SYN3: variants seen among roughly 807,000 people sequenced by gnomAD.
The protein encoded by SYN3 is synapsin III, also known as synapsin-3.
SYN3 carries 35 observed loss-of-function variants against 65.8 expected under a neutral mutation model. The ratio of observed to expected loss-of-function variants is 0.53; its 90% CI spans 0.41 to 0.70. The LOEUF (loss-of-function observed/expected upper bound fraction) is 0.70. SYN3 is among the 30% of genes least tolerant of loss of function. The probability of loss-of-function intolerance (pLI) is 0.00; values close to 1 mark genes in which losing one functional copy is unlikely to be tolerated. For synonymous variants in SYN3, 270 were observed against 292.9 expected, an observed-to-expected ratio of 0.92 and a Z score of 0.80; for missense variants, 680 against 749.0, an observed-to-expected ratio of 0.91 and a Z score of 1.08.
chr22:32,722,548 T>C (rs946540804), intron 6 of SYN3, among the ~76,000 whole-genome samples: 4 of 152,162 alleles, frequency 2.6e-5, no homozygotes, highest in Non-Finnish European at 4.4e-5. Context: ...GTGGATTAAA[T>C]TGGAGATGTC....
chr22:32,813,293 T>C (rs2046961963), intron 6 of SYN3, among the ~76,000 whole-genome samples: 1 of 152,128 alleles, frequency 6.6e-6, no homozygotes, highest in Non-Finnish European at 1.5e-5. Flanking sequence ...GCATCTGAGC[T>C]TTGGCTTTGG....
At chr22:32,802,119 A>T (rs1398464952) in intron 6 of SYN3, 1 of 1,582,058 alleles carries the variant, frequency 6.3e-7, no homozygotes, top group South Asian at 1.1e-5. Flanking sequence ...CAACTCCGAC[A>T]TCGGTAAGCG....
intron 6 of SYN3, among the ~76,000 whole-genome samples, chr22:32,706,243 C>G (rs5749496): frequency 6.6e-6 from 1 of 151,866 alleles, no homozygotes; most frequent in Non-Finnish European, 1.5e-5. Context: ...CCTTCAATAC[C>G]TACATACTGA....
chr22:32,645,930 C>T (rs1601831797), intron 6 of SYN3, among the ~76,000 whole-genome samples: 1 of 151,990 alleles, frequency 6.6e-6, no homozygotes, highest in African/African-American at 2.4e-5. Context: ...GAGCTGTACC[C>T]CACTTCTGGC....
chr22:32,988,872 C>T (rs2052613494), intron 2 of SYN3, among the ~76,000 whole-genome samples: 1 of 152,124 alleles, frequency 6.6e-6, no homozygotes, highest in African/African-American at 2.4e-5. Context: ...TGGGTGTGTC[C>T]TTTAATGTAC....
At chr22:32,800,772 C>T (rs1009851791) in intron 6 of SYN3, among the ~76,000 whole-genome samples, 37 of 152,146 alleles carry the variant, frequency 2.4e-4, no homozygotes, top group African/African-American at 8.7e-4. Context: ...CAAACATGCC[C>T]AGGGTCTTTG....
rs2053196183 is a variant in SYN3, at chr22:33,006,380, A to G, written c.283T>C (p.Leu95=). Residue 95 remains leucine, a synonymous_variant, in exon 2 of 14, where the codon TTG becomes CTG. Coordinates refer to ENST00000358763, the MANE Select transcript of SYN3 (RefSeq NM_003490.4). ...TCTGTATGGGCATCATCGATCACCAACAGGATCCTGGGTCTTTGAACAATG... is the reference window on the plus strand; with the variant it reads ...TCTGTATGGGCATCATCGATCACCAGCAGGATCCTGGGTCTTTGAACAATG... ...TPIVQRPRIL[L]VIDDAHTDWS... 1 of 1,613,478 alleles carries G rather than the reference A, an allele frequency of 6.2e-7. No individual in the cohort carries two copies. Among genetic ancestry groups the G allele is most frequent in the Non-Finnish European group, 8.5e-7 (1 of 1,179,688 alleles).
intron 6 of SYN3, among the ~76,000 whole-genome samples, chr22:32,857,564 C>G (rs2048405871): frequency 6.6e-6 from 1 of 152,210 alleles, no homozygotes; most frequent in South Asian, 2.1e-4. Flanking sequence ...AGCTCCACCA[C>G]TCACCTGGGG....
chr22:32,734,762 C>T (rs1471190840), intron 6 of SYN3, among the ~76,000 whole-genome samples: 1 of 152,162 alleles, frequency 6.6e-6, no homozygotes, highest in Non-Finnish European at 1.5e-5. Flanking sequence ...AGGTCTTGGG[C>T]TAAATCCTCA....
At chr22:32,803,842 GT>G (rs1569236848) in intron 6 of SYN3, among the ~76,000 whole-genome samples, 3 of 152,110 alleles carry the variant, frequency 2.0e-5, no homozygotes, top group African/African-American at 7.2e-5. Flanking sequence ...CTTCACTTGC[GT>G]TTTTTTGGTA....
intron 6 of SYN3, among the ~76,000 whole-genome samples, chr22:32,835,355 G>C (rs190491986): frequency 5.8e-4 from 88 of 152,280 alleles, no homozygotes; most frequent in Non-Finnish European, 9.1e-4. Flanking sequence ...TGAGTGTATG[G>C]GGGCAGGGAA....
At chr22:32,600,786 C>T (rs894589678) in intron 6 of SYN3, among the ~76,000 whole-genome samples, 14 of 152,182 alleles carry the variant, frequency 9.2e-5, no homozygotes, top group African/African-American at 2.9e-4. Context: ...CTCCTGGGCT[C>T]AAGCAATTCT....
intron 6 of SYN3, among the ~76,000 whole-genome samples, chr22:32,824,358 A>AT (rs130289): frequency 1.3e-5 from 2 of 149,000 alleles, no homozygotes; most frequent in African/African-American, 2.5e-5. Flanking sequence ...ACAGATTACT[A>AT]TTTTTTTTTT....
Position 32,859,256 on chromosome 22 carries a change from T to A in SYN3, c.711+5659A>T, listed in dbSNP as rs902757892. Reference sequence around the variant, plus strand: ...CTCTGGACCGACATGCTCTCCAATTTCGGTTACCCTGGCTACCAGTCCAAA... The same window carrying A: ...CTCTGGACCGACATGCTCTCCAATTACGGTTACCCTGGCTACCAGTCCAAA... On this transcript the variant is annotated intron_variant, in intron 6 of 13. Transcript: ENST00000358763. 10 of 1,614,054 alleles carry A rather than the reference T, an allele frequency of 6.2e-6. No individual in the cohort carries two copies. The highest frequency in any genetic ancestry group is 8.5e-6 in the Non-Finnish European group (10 of 1,180,040).
chr22:32,684,767 T>C (rs1159220), intron 6 of SYN3, among the ~76,000 whole-genome samples: 93,008 of 152,046 alleles, frequency 0.61, 28,563 homozygotes, highest in East Asian at 0.68. Context: ...TAAAGAGAGC[T>C]CTAAAACAGA....
At chr22:32,943,448 A>G (rs1473028179) in intron 3 of SYN3, among the ~76,000 whole-genome samples, 1 of 152,234 alleles carries the variant, frequency 6.6e-6, no homozygotes, top group African/African-American at 2.4e-5. Flanking sequence ...TGAAGGAAGC[A>G]CTAAACATGG....
intron 7 of SYN3, among the ~76,000 whole-genome samples, chr22:32,588,441 A>G (rs1005877045): frequency 2.0e-5 from 3 of 152,140 alleles, no homozygotes; most frequent in Admixed American, 6.5e-5. Context: ...ATTTAATCCA[A>G]TTCCTCTCCC....
intron 4 of SYN3, among the ~76,000 whole-genome samples, chr22:32,923,789 C>A (rs2146651296): frequency 6.6e-6 from 1 of 152,218 alleles, no homozygotes; most frequent in East Asian, 1.9e-4. Context: ...ATTTTGTCAC[C>A]CAGATACAAA....
intron 6 of SYN3, among the ~76,000 whole-genome samples, chr22:32,603,199 C>A (rs376196323): frequency 6.6e-6 from 1 of 152,112 alleles, no homozygotes; most frequent in Non-Finnish European, 1.5e-5. Context: ...TCCTTTCCCT[C>A]CCCCATGTTA....
Sources: allele counts gnomAD v4.1 joint callset (sites outside exome capture counted in the v4.1 genomes callset), GRCh38; gene constraint gnomAD v4.1.1; transcripts MANE v1.5; gene names NCBI Gene and HGNC (gene_info 2026-07-23, HGNC 2026-07-21).